Variants in ZNF28 observed in about 807,000 individuals in gnomAD.
ZNF28 encodes zinc finger protein 28.
ZNF28 carries 5 observed loss-of-function variants against 7.2 expected under a neutral mutation model. The observed-to-expected ratio is 0.70, with a 90% CI of 0.36 to 1.46. The LOEUF is 1.46. Ranked by LOEUF, ZNF28 falls within the 40% of genes most tolerant of loss-of-function variation. The pLI is 0.03. For synonymous variants in ZNF28, 288 were observed against 292.4 expected, an observed-to-expected ratio of 0.99 and a Z score of 0.15; for missense variants, 879 against 866.6, an observed-to-expected ratio of 1.01 and a Z score of -0.18.
At position 52,799,714 on chromosome 19, in the gene ZNF28, T is replaced by C. The variant is rs2062836762; in HGVS notation, c.2131A>G (p.Arg711Gly). Residue 711 changes from arginine to glycine, a missense_variant, in exon 4 of 4, where the codon AGA becomes GGA. Arg to Gly is a moderately radical substitution (Grantham distance 125). Coordinates refer to ENST00000457749, the MANE Select transcript of ZNF28 (RefSeq NM_006969.5). ...SQMSNLVYHH[R>G]LHSGEKP ...CAAGGTTTCTCTCCACTATGAAGTC[T>C]ATGATGGTATACAAGGTTTGACATC... 1.9e-6 allele frequency: 3 copies of C among 1,608,428 alleles called. No homozygotes were observed. Among genetic ancestry groups the C allele is most frequent in the Non-Finnish European group, 1.7e-6 (2 of 1,175,966 alleles).
intron 2 of ZNF28, among the ~76,000 whole-genome samples, chr19:52,811,252 C>T (rs1182860491): frequency 1.3e-5 from 2 of 151,706 alleles, no homozygotes; most frequent in East Asian, 1.9e-4. Context: ...CAACCTCCAC[C>T]TCCCAGCCGC....
At chr19:52,810,846 TC>T (rs2063016038) in intron 2 of ZNF28, 6 of 137,704 alleles carry the variant, frequency 4.4e-5, no homozygotes, top group African/African-American at 3.3e-4. Context: ...AGAGTCCCTC[TC>T]CCTCTCCCTC....
In ZNF28 at chr19:52,799,123, G is replaced by C. The variant is rs534203181; in HGVS notation, c.*565C>G. 9.8e-5 allele frequency: 40 copies of C among 406,642 alleles called. No homozygotes were observed. The highest frequency in any genetic ancestry group is 6.9e-4 in the African/African-American group (33 of 48,080). 25.2% of individuals were successfully genotyped at this position (406,642 alleles called of 1,614,324 possible). The stretch of plus-strand genomic sequence containing the variant: ...TTGTAAGATTTCTCTGCAGTATGAA[G>C]ACTATGATGACTTGCAAGGTGTGAC... On this transcript the variant is annotated 3_prime_UTR_variant, in exon 4 of 4. Coordinates refer to ENST00000457749, the MANE Select transcript of ZNF28 (RefSeq NM_006969.5).
intron 1 of ZNF28, 99 bp from the exon 2 acceptor site, chr19:52,818,130 T>C (rs2063150325): frequency 1.6e-6 from 2 of 1,237,616 alleles, no homozygotes; most frequent in Non-Finnish European, 2.2e-6. Flanking sequence ...TGAGGAAATA[T>C]GGTCCCCTAT....
At chr19:52,806,402 C>T (rs1217466888) in intron 3 of ZNF28, among the ~76,000 whole-genome samples, 2 of 152,022 alleles carry the variant, frequency 1.3e-5, no homozygotes, top group Non-Finnish European at 1.5e-5. Flanking sequence ...ACATGTTAAC[C>T]AGGCTAGTTT....
intron 2 of ZNF28, among the ~76,000 whole-genome samples, chr19:52,817,202 G>A (rs533483072): frequency 3.4e-4 from 51 of 152,020 alleles, no homozygotes; most frequent in Non-Finnish European, 6.9e-4. Context: ...GAGAAACCTC[G>A]TCTCTACTAA....
intron 2 of ZNF28, among the ~76,000 whole-genome samples, chr19:52,809,112 T>C (rs1289484772): frequency 6.6e-6 from 1 of 152,196 alleles, no homozygotes. Context: ...AGGAATCTCA[T>C]CTTGCTGGAA....
intron 2 of ZNF28, among the ~76,000 whole-genome samples, chr19:52,813,279 T>C (rs1447452205): frequency 1.4e-5 from 1 of 72,572 alleles, no homozygotes; most frequent in Non-Finnish European, 2.6e-5. Flanking sequence ...AAAGACATAC[T>C]GTGGAAGGAC....
chr19:52,810,436 T>G lies in ZNF28; in HGVS notation c.16-2303A>C. 5.0e-6 allele frequency: 8 copies of G among 1,601,258 alleles called. No homozygotes were observed. In the Middle Eastern group the frequency reaches 8.5e-4, roughly 171 times the overall value. On this transcript the variant is annotated intron_variant, in intron 2 of 3. Coordinates refer to ENST00000457749, the MANE Select transcript of ZNF28 (RefSeq NM_006969.5). The stretch of plus-strand genomic sequence containing the variant: ...AAATTTAGTGGCCATCCCAAAGGGT[T>G]TGCATATATAGAGTTCTCAAAGAGT...
chr19:52,801,870 TTA>T (rs2062876891), intron 3 of ZNF28, among the ~76,000 whole-genome samples, 168 bp from the exon 4 acceptor site: 1 of 152,174 alleles, frequency 6.6e-6, no homozygotes, highest in Non-Finnish European at 1.5e-5. Flanking sequence ...TAAAGGGCGA[TTA>T]TATGTCTTTC....
intron 2 of ZNF28, among the ~76,000 whole-genome samples, chr19:52,812,823 G>A (rs1375495466): frequency 6.8e-6 from 1 of 147,632 alleles, no homozygotes; most frequent in East Asian, 2.0e-4. Context: ...GGCATGCTTG[G>A]ATGACATAAA....
At chr19:52,821,160 G>A (rs2063192653) in intron 1 of ZNF28, among the ~76,000 whole-genome samples, 1 of 151,180 alleles carries the variant, frequency 6.6e-6, no homozygotes, top group Admixed American at 6.6e-5. Flanking sequence ...TTCGGACAAG[G>A]GTGGGATCCG....
chr19:52,799,047 T>G lies in ZNF28; in HGVS notation c.*641A>C. 2 of 539,454 alleles carry G rather than the reference T, an allele frequency of 3.7e-6. No homozygotes were observed. The highest frequency in any genetic ancestry group is 6.5e-6 in the Non-Finnish European group (2 of 307,164). The allele number at this position is 539,454 out of a possible 1,614,324, so 33.4% of individuals were successfully genotyped here. A position where few individuals can be genotyped will look rare whatever the true frequency, so the allele number is the denominator to read the frequency against. ...GTTTTTTCTCCAGTATGAATTCTCC[T>G]GTCTTTCAAGCTGTGATTTGTGACT... On this transcript the variant is annotated 3_prime_UTR_variant, in exon 4 of 4. Transcript: ENST00000457749.
In ZNF28 at chr19:52,801,710, A is replaced by C; in HGVS notation, c.143-8T>G. On this transcript the variant is annotated splice_polypyrimidine_tract_variant and splice_region_variant and intron_variant, in intron 3 of 3. Coordinates refer to ENST00000457749, the MANE Select transcript of ZNF28 (RefSeq NM_006969.5). ...TGCATTTGGAAGAGATATCTACAAA[A>C]TATAAACACCAATAGGTTTCCAATG... 2 of 1,608,410 alleles carry C rather than the reference A, an allele frequency of 1.2e-6. No individual in the cohort carries two copies. Among genetic ancestry groups the C allele is most frequent in the Non-Finnish European group, 1.7e-6 (2 of 1,177,244 alleles).
chr19:52,814,081 A>T (rs1157582495), intron 2 of ZNF28, among the ~76,000 whole-genome samples: 2 of 146,486 alleles, frequency 1.4e-5, no homozygotes, highest in African/African-American at 5.3e-5. Flanking sequence ...AAAGCCTCAT[A>T]ATGCTGCAGA....
intron 1 of ZNF28, among the ~76,000 whole-genome samples, chr19:52,818,885 GAAA>G (rs561203089): frequency 1.7e-5 from 2 of 114,332 alleles, no homozygotes; most frequent in East Asian, 3.2e-4. Flanking sequence ...GTCTGTTTGG[GAAA>G]AAAAAAAAAA....
At chr19:52,815,624 A>G (rs1399216849) in intron 2 of ZNF28, among the ~76,000 whole-genome samples, 1 of 146,632 alleles carries the variant, frequency 6.8e-6, no homozygotes, top group Admixed American at 6.8e-5. Context: ...GGAGATCGAG[A>G]CCATCCTGGC....
chr19:52,801,147 T>C lies in ZNF28; in HGVS notation c.698A>G (p.His233Arg). The change falls in exon 4 of 4, where the codon CAT (histidine) becomes CGT (arginine). Residue 233 changes from histidine to arginine, a missense_variant. Transcript: ENST00000457749. ...SFNCSSLLKK[H>R]QITHLEEKQC... ...TTTCTCTTCTAAGTGGGTTATCTGA[T>C]GTTTTTTTAAAAGTGAGCTACAATT... 6.2e-7 allele frequency: 1 copy of C among 1,614,152 alleles called. No homozygotes were observed. Among genetic ancestry groups the C allele is most frequent in the Non-Finnish European group, 8.5e-7 (1 of 1,180,024 alleles).
chr19:52,810,142 C>A (rs910364072), intron 2 of ZNF28: 1 of 902,110 alleles, frequency 1.1e-6, no homozygotes, highest in Non-Finnish European at 1.9e-6. Flanking sequence ...GAGGGTGACC[C>A]GGGGCTGGAA....
Sources: allele counts gnomAD v4.1 joint callset (sites outside exome capture counted in the v4.1 genomes callset), GRCh38; gene constraint gnomAD v4.1.1; transcripts MANE v1.5; gene names NCBI Gene and HGNC (gene_info 2026-07-23, HGNC 2026-07-21).